The following ITPR1 variants were observed in gnomAD, a reference collection of about 807,000 sequenced individuals.
ITPR1 encodes inositol 1,4,5-trisphosphate-gated calcium channel ITPR1.
A neutral mutation model predicts 318.4 loss-of-function variants in ITPR1; 96 were observed. The observed-to-expected ratio is 0.30, with a 90% CI of 0.26 to 0.36. The LOEUF (loss-of-function observed/expected upper bound fraction) is 0.36, where lower values mean the gene tolerates loss of function less well. ITPR1 is among the 10% of genes least tolerant of loss of function. ITPR1 has a pLI of 1.00. For synonymous variants in ITPR1, 1,312 were observed against 1,289.9 expected (o/e 1.02, Z -0.37); for missense variants, 2,440 against 3,460.2 (o/e 0.71, Z 7.40).
chr3:4,723,272 G>A (rs1365441886), intron 40 of ITPR1, among the ~76,000 whole-genome samples: 1 of 152,198 alleles, frequency 6.6e-6, no homozygotes, highest in Non-Finnish European at 1.5e-5. Flanking sequence ...GCTAAACCCT[G>A]GATGAGCCAT....
chr3:4,737,740 G>C (rs1227358886), intron 44 of ITPR1, among the ~76,000 whole-genome samples: 1 of 152,184 alleles, frequency 6.6e-6, no homozygotes, highest in African/African-American at 2.4e-5. Context: ...GAGCTGATGA[G>C]AACCTGAACT....
chr3:4,576,330 G>A (rs1181470533), intron 4 of ITPR1, among the ~76,000 whole-genome samples: 2 of 152,186 alleles, frequency 1.3e-5, no homozygotes, highest in African/African-American at 4.8e-5. Flanking sequence ...AGAATATCTT[G>A]GTAACAAGTT....
chr3:4,540,566 T>TTG lies in ITPR1; in HGVS notation c.163+19484_163+19485dup, dbSNP rs991895367. Among the ~76,000 whole-genome samples the TTG allele has an allele frequency of 9.2e-5, 14 of 151,970 alleles. No homozygotes were observed. The East Asian group carries it at 9.7e-4, about 10-fold the overall frequency. ...CTCCTTTAAGTTTCATCGAAGGCTT[T>TTG]TGTGTGTGTGTGTATGTGTGTGTGC... On this transcript the variant is annotated intron_variant, in intron 4 of 61. Coordinates refer to ENST00000649015, the MANE Select transcript of ITPR1 (RefSeq NM_001378452.1).
chr3:4,691,227 C>G lies in ITPR1; in HGVS notation c.3912C>G (p.His1304Gln), dbSNP rs556943368. The G allele has an allele frequency of 6.2e-7, 1 of 1,613,064 alleles. No individual in the cohort carries two copies. Among genetic ancestry groups the G allele is most frequent in the Non-Finnish European group, 8.5e-7 (1 of 1,179,250 alleles). Residue 1304 changes from histidine to glutamine, a missense_variant, in exon 32 of 62, where the codon CAC becomes CAG. Physicochemically the swap from His to Gln is conservative, Grantham distance 24. Transcript: ENST00000649015. ...AGATCAACGAGAGAGTTGTTCAGCA[C>G]TTCGTTCACTGCATAGAGACTCACG... ...CSEINERVVQHFVHCIETHGR... is the reference protein window; with the variant it reads ...CSEINERVVQQFVHCIETHGR...
In ITPR1 at chr3:4,704,277, C is replaced by T. The variant is rs542992399; in HGVS notation, c.4657+1327C>T. On this transcript the variant is annotated intron_variant, in intron 36 of 61. Transcript: ENST00000649015. ...AAAATACAAAATTAGCCTGGCATGG[C>T]GGCGCATGCCTGTAATCCCAGCTAC... 3.9e-3 allele frequency among the ~76,000 whole-genome samples: 596 copies of T among 152,204 alleles called. 4 individuals carry two copies. The highest frequency in any genetic ancestry group is 0.014 in the Middle Eastern group (4 of 294).
At chr3:4,708,057 A>G (rs1465716517) in intron 37 of ITPR1, among the ~76,000 whole-genome samples, 1 of 152,186 alleles carries the variant, frequency 6.6e-6, no homozygotes, top group Non-Finnish European at 1.5e-5. Flanking sequence ...TGATGAGGAA[A>G]CTAATTTTGT....
Position 4,822,524 on chromosome 3 carries a change from C to T in ITPR1, c.8028+4282C>T, listed in dbSNP as rs147483632. Among the ~76,000 whole-genome samples the T allele has an allele frequency of 1.8e-3, 267 of 152,326 alleles. 1 individual carries two copies. The highest frequency in any genetic ancestry group is 6.1e-3 in the African/African-American group (255 of 41,564). On this transcript the variant is annotated intron_variant, in intron 60 of 61. Transcript: ENST00000649015. The stretch of plus-strand genomic sequence containing the variant: ...TTCTCTGTTGAATTGGTCACAGATA[C>T]TTGTGAGTTCTATCCATGTCTTTAG...
intron 60 of ITPR1, among the ~76,000 whole-genome samples, chr3:4,830,132 C>G (rs1366475367): frequency 6.6e-6 from 1 of 151,688 alleles, no homozygotes; most frequent in East Asian, 1.9e-4. Context: ...TGCCACCATG[C>G]CCAGCTAATT....
In ITPR1 at chr3:4,764,725, G is replaced by A. The variant is rs370890632; in HGVS notation, c.5545-1805G>A. 5.2e-4 allele frequency among the ~76,000 whole-genome samples: 79 copies of A among 152,330 alleles called. 2 individuals are homozygous for A. In the South Asian group the frequency reaches 7.0e-3, roughly 14 times the overall value. ...TAAGAATAGGGCAGTGGCATTGAGCGTCTGCCACAGCTTTGTTTACCAGCA... is the reference window on the plus strand; with the variant it reads ...TAAGAATAGGGCAGTGGCATTGAGCATCTGCCACAGCTTTGTTTACCAGCA... On this transcript the variant is annotated intron_variant, in intron 44 of 61. Transcript: ENST00000649015.
chr3:4,734,163 CATCCTAGAGATGAGAACTTGGCCTTTCAA>C (rs1227798534), intron 43 of ITPR1, among the ~76,000 whole-genome samples: 1 of 152,226 alleles, frequency 6.6e-6, no homozygotes, highest in Non-Finnish European at 1.5e-5. Flanking sequence ...GTTCTCAAGG[CATCCTAGAGATGAGAACTTGGCCTTTCAA>C]ATCCAAAAAT....
At chr3:4,702,334 G>C (rs2094673313) in intron 35 of ITPR1, among the ~76,000 whole-genome samples, 1 of 152,182 alleles carries the variant, frequency 6.6e-6, no homozygotes, top group African/African-American at 2.4e-5. Flanking sequence ...TAGCAGTCGA[G>C]GTGAGATCCA....
Position 4,645,887 on chromosome 3 carries a change from G to T in ITPR1, c.855+159G>T. On this transcript the variant is annotated intron_variant, in intron 10 of 61. Transcript: ENST00000649015. Reference sequence around the variant, plus strand: ...CTACACACACACACAGAATACATGTGTGTGTATATATATAAGTCACAAACA... The same window carrying T: ...CTACACACACACACAGAATACATGTTTGTGTATATATATAAGTCACAAACA... 4.5e-6 allele frequency: 3 copies of T among 673,452 alleles called. No individual in the cohort carries two copies. In the East Asian group the frequency reaches 8.3e-5, roughly 19 times the overall value. 41.7% of individuals were successfully genotyped at this position (673,452 alleles called of 1,614,324 possible). A position where few individuals can be genotyped will look rare whatever the true frequency, so the allele number is the denominator to read the frequency against.
At chr3:4,581,022 C>T (rs559710643) in intron 4 of ITPR1, among the ~76,000 whole-genome samples, 1 of 152,146 alleles carries the variant, frequency 6.6e-6, no homozygotes, top group Non-Finnish European at 1.5e-5. Flanking sequence ...TTGTGTTGAC[C>T]TGGGATATAA....
intron 60 of ITPR1, among the ~76,000 whole-genome samples, chr3:4,833,075 T>G (rs1424575686): frequency 6.6e-6 from 1 of 152,250 alleles, no homozygotes; most frequent in Non-Finnish European, 1.5e-5. Context: ...TTTCTCATCT[T>G]TAGATCCTCA....
intron 42 of ITPR1, among the ~76,000 whole-genome samples, chr3:4,732,065 C>CA (rs1257457188): frequency 6.6e-6 from 1 of 152,168 alleles, no homozygotes; most frequent in African/African-American, 2.4e-5. Context: ...AAAATTTATA[C>CA]AGCCTTTGAC....
intron 60 of ITPR1, among the ~76,000 whole-genome samples, chr3:4,824,609 A>C (rs2049950227): frequency 6.6e-6 from 1 of 151,956 alleles, no homozygotes; most frequent in Non-Finnish European, 1.5e-5. Context: ...CCCAGCCCCG[A>C]CCCCGAGTGA....
intron 53 of ITPR1, among the ~76,000 whole-genome samples, chr3:4,797,152 G>C (rs2047953593): frequency 6.6e-6 from 1 of 151,594 alleles, no homozygotes; most frequent in Admixed American, 6.6e-5. Context: ...TTTGACCTGA[G>C]GCTGATATGA....
At chr3:4,568,485 A>G (rs980704080) in intron 4 of ITPR1, among the ~76,000 whole-genome samples, 1 of 152,192 alleles carries the variant, frequency 6.6e-6, no homozygotes, top group African/African-American at 2.4e-5. Context: ...GTGAAGAACT[A>G]ATTGACAGTG....
Position 4,676,722 on chromosome 3 carries a change from G to A in ITPR1, c.2888G>A (p.Gly963Asp), listed in dbSNP as rs777204180. Residue 963 changes from glycine (G) to aspartate (D), a missense_variant, in exon 24 of 62, where the codon GGC (glycine) becomes GAC (aspartate). Physicochemically the swap from Gly to Asp is moderately conservative, Grantham distance 94. Transcript: ENST00000649015. ...ACTCCCATGGCTGCTGCCCCTGAAG[G>A]CAATGTGAAGCAGGCAGAGCCTGAG... The part of the protein sequence containing the change: ...PMTPMAAAPE[G>D]NVKQAEPEKE... The A allele has an allele frequency of 1.9e-5, 30 of 1,613,806 alleles. No homozygotes were observed. The highest frequency in any genetic ancestry group is 2.5e-5 in the Non-Finnish European group (29 of 1,179,822).
Sources: allele counts gnomAD v4.1 joint callset (sites outside exome capture counted in the v4.1 genomes callset), GRCh38; gene constraint gnomAD v4.1.1; transcripts MANE v1.5; gene names NCBI Gene and HGNC (gene_info 2026-07-23, HGNC 2026-07-21).